Variants in MED13L observed in about 807,000 individuals in gnomAD.
MED13L encodes mediator of RNA polymerase II transcription subunit 13-like.
MED13L carries 7 observed loss-of-function variants against 220.9 expected under a neutral mutation model. The observed-to-expected ratio is 0.03, with a 90% confidence interval of 0.02 to 0.06. MED13L has a LOEUF of 0.06. Among genes scored for constraint, MED13L ranks in the 10% least tolerant of loss-of-function variants. MED13L has a pLI of 1.00. For synonymous variants in MED13L, 1,011 were observed against 1,015.2 expected (o/e 1.00, Z 0.08); for missense variants, 1,965 against 2,760.5 (o/e 0.71, Z 6.46).
intron 5 of MED13L, among the ~76,000 whole-genome samples, chr12:116,021,747 T>C (rs1459116702): frequency 6.6e-6 from 1 of 152,158 alleles, no homozygotes; most frequent in Non-Finnish European, 1.5e-5. Context: ...AAAGATTGTT[T>C]CCATACGGTT....
chr12:116,211,437 C>A (rs1057271200), intron 2 of MED13L, among the ~76,000 whole-genome samples: 1 of 152,040 alleles, frequency 6.6e-6, no homozygotes, highest in Admixed American at 6.6e-5. Context: ...AAAAAATGCA[C>A]CTTTAAGACA....
chr12:116,120,477 T>TCTCTCTCA (rs1257256737), intron 2 of MED13L, among the ~76,000 whole-genome samples: 29 of 79,466 alleles, frequency 3.6e-4, no homozygotes, highest in South Asian at 1.8e-3. Context: ...TCTCTCTCTC[T>TCTCTCTCA]CACACACACA....
At chr12:116,251,179 G>C (rs1024363075) in intron 1 of MED13L, among the ~76,000 whole-genome samples, 1 of 149,712 alleles carries the variant, frequency 6.7e-6, no homozygotes, top group Non-Finnish European at 1.5e-5. Flanking sequence ...GAACAGATGG[G>C]ACCAATAGGG....
At chr12:116,144,735 T>C (rs896399115) in intron 2 of MED13L, among the ~76,000 whole-genome samples, 1 of 152,226 alleles carries the variant, frequency 6.6e-6, no homozygotes, top group African/African-American at 2.4e-5. Context: ...GAGTGGGTTT[T>C]GTTTTCCCAA....
At chr12:116,052,078 T>TAC (rs79990251) in intron 4 of MED13L, among the ~76,000 whole-genome samples, 55,726 of 149,452 alleles carry the variant, frequency 0.37, 11,474 homozygotes, top group Non-Finnish European at 0.48. Flanking sequence ...CCTACACACA[T>TAC]ACACACACAC....
intron 2 of MED13L, among the ~76,000 whole-genome samples, chr12:116,154,115 T>C (rs952162115): frequency 2.6e-5 from 4 of 152,342 alleles, no homozygotes; most frequent in East Asian, 1.9e-4. Context: ...CTGATTTCCA[T>C]GTGTTAACTC....
intron 4 of MED13L, among the ~76,000 whole-genome samples, chr12:116,064,986 AG>A (rs1869809832): frequency 6.6e-6 from 1 of 152,228 alleles, no homozygotes; most frequent in African/African-American, 2.4e-5. Flanking sequence ...GTACCTTCTA[AG>A]AAAAGCATCA....
chr12:116,102,143 G>T (rs1346791300), intron 3 of MED13L, among the ~76,000 whole-genome samples: 2 of 152,178 alleles, frequency 1.3e-5, no homozygotes, highest in African/African-American at 4.8e-5. Flanking sequence ...ATGAAATCAG[G>T]CTGTGTGTAT....
At chr12:116,091,120 C>CAAA (rs5801163) in intron 4 of MED13L, among the ~76,000 whole-genome samples, 14 of 87,364 alleles carry the variant, frequency 1.6e-4, no homozygotes, top group South Asian at 7.8e-4. Context: ...AACTCTGTCT[C>CAAA]AAAAAAAAAA....
At chr12:116,249,021 T>G (rs1871299093) in intron 1 of MED13L, among the ~76,000 whole-genome samples, 1 of 152,134 alleles carries the variant, frequency 6.6e-6, no homozygotes, top group African/African-American at 2.4e-5. Flanking sequence ...GAAAGAATAT[T>G]CAGGAAAAAA....
At chr12:115,967,873 T>C (rs1333433640) in intron 28 of MED13L, among the ~76,000 whole-genome samples, 1 of 152,194 alleles carries the variant, frequency 6.6e-6, no homozygotes, top group Non-Finnish European at 1.5e-5. Context: ...AACTGGTAAG[T>C]ACTGCAAAGG....
At chr12:116,181,425 T>A (rs1245101793) in intron 2 of MED13L, 1 of 152,218 alleles carries the variant, frequency 6.6e-6, no homozygotes, top group Non-Finnish European at 1.5e-5. Context: ...AACTGGAATC[T>A]GGTACTGGCA....
chr12:116,255,419 C>A (rs1274956168), intron 1 of MED13L, among the ~76,000 whole-genome samples: 1 of 152,156 alleles, frequency 6.6e-6, no homozygotes, highest in Admixed American at 6.5e-5. Context: ...TTAACTAATG[C>A]TGTAAAACTT....
chr12:116,044,691 A>T (rs758396499), intron 4 of MED13L, among the ~76,000 whole-genome samples: 31 of 152,242 alleles, frequency 2.0e-4, no homozygotes, highest in Non-Finnish European at 3.2e-4. Context: ...AAATATTGTC[A>T]TCCTCACTAA....
chr12:116,027,371 C>G (rs1443365347), intron 4 of MED13L, among the ~76,000 whole-genome samples: 1 of 152,080 alleles, frequency 6.6e-6, no homozygotes, highest in Non-Finnish European at 1.5e-5. Flanking sequence ...GCAGACAGCC[C>G]AGATCATGCC....
At chr12:116,167,054 G>C (rs866934825) in intron 2 of MED13L, among the ~76,000 whole-genome samples, 3 of 151,988 alleles carry the variant, frequency 2.0e-5, no homozygotes, top group Middle Eastern at 3.4e-3. Context: ...CACAAAATTC[G>C]ATGTTCAAAA....
chr12:116,087,902 T>C (rs1280345279), intron 4 of MED13L, among the ~76,000 whole-genome samples: 9 of 152,230 alleles, frequency 5.9e-5, no homozygotes, highest in Non-Finnish European at 1.3e-4. Flanking sequence ...CAAAGGATGG[T>C]ATGCAACGTC....
At chr12:116,181,632 G>A (rs1042909560) in intron 2 of MED13L, among the ~76,000 whole-genome samples, 4 of 151,920 alleles carry the variant, frequency 2.6e-5, no homozygotes, top group South Asian at 2.1e-4. Context: ...CTCAGCCTCC[G>A]GAGCAGCTGG....
At chr12:116,131,852 A>G (rs1422619596) in intron 2 of MED13L, among the ~76,000 whole-genome samples, 1 of 152,102 alleles carries the variant, frequency 6.6e-6, no homozygotes, top group Non-Finnish European at 1.5e-5. Flanking sequence ...GTGGTGGCAC[A>G]CGCCTGTAGT....
Sources: allele counts gnomAD v4.1 joint callset (sites outside exome capture counted in the v4.1 genomes callset), GRCh38; gene constraint gnomAD v4.1.1; transcripts MANE v1.5; gene names NCBI Gene and HGNC (gene_info 2026-07-23, HGNC 2026-07-21).